Variants in CELF2 observed in about 807,000 individuals in gnomAD.
The protein encoded by CELF2 is CUG triplet repeat RNA-binding protein 2.
CELF2 carries 8 observed loss-of-function variants against 62.6 expected under a neutral mutation model. The observed-to-expected ratio is 0.13, with a 90% confidence interval of 0.07 to 0.23. The LOEUF is 0.23. Among genes scored for constraint, CELF2 ranks in the 10% least tolerant of loss-of-function variants. CELF2 has a pLI of 1.00. For synonymous variants in CELF2, 258 were observed against 250.0 expected (o/e 1.03, Z -0.30); for missense variants, 333 against 671.0 (o/e 0.50, Z 5.56).
At chr10:11,102,712 C>T (rs2052061238) in intron 1 of CELF2, among the ~76,000 whole-genome samples, 1 of 152,130 alleles carries the variant, frequency 6.6e-6, no homozygotes, top group Admixed American at 6.5e-5. Flanking sequence ...AAATCTCTTC[C>T]TAGGCAACCA....
At chr10:10,464,433 T>C in the CELF2 span, among the ~76,000 whole-genome samples, 2 of 152,188 alleles carry the variant, frequency 1.3e-5, no homozygotes, top group African/African-American at 4.8e-5. Context: ...TCTTTTTTTT[T>C]ATTGTGGAAA....
rs990378821 is a variant in CELF2 at position 10,972,584 on chromosome 10, G to A, written c.89+52585G>A. 4.6e-5 allele frequency among the ~76,000 whole-genome samples: 7 copies of A among 151,960 alleles called. No individual in the cohort carries two copies. Among genetic ancestry groups the A allele is most frequent in the Non-Finnish European group, 7.4e-5 (5 of 67,986 alleles). ...CCCTGGCTGAGCTCATCTCTCTTAC[G>A]GGTTCAACCGTCTTCTACATATTGA... On this transcript the variant is annotated intron_variant, in intron 2 of 13. Coordinates refer to the CELF2 transcript ENST00000636488. The surrounding 1 kb of genome is among the most constrained non-coding windows in gnomAD (Gnocchi z 4.4).
intron 1 of CELF2, among the ~76,000 whole-genome samples, chr10:10,912,519 A>G (rs984234944): frequency 6.6e-6 from 1 of 151,890 alleles, no homozygotes; most frequent in Non-Finnish European, 1.5e-5. Flanking sequence ...ACAGGCATGC[A>G]CCACCATGTC....
chr10:11,101,072 G>A (rs575737885), intron 1 of CELF2, among the ~76,000 whole-genome samples: 1 of 152,240 alleles, frequency 6.6e-6, no homozygotes, highest in South Asian at 2.1e-4. Flanking sequence ...GATTTAGAAG[G>A]GGAAATCAAT....
chr10:11,127,516 TAA>T (rs1206541475), intron 1 of CELF2, among the ~76,000 whole-genome samples: 2 of 152,354 alleles, frequency 1.3e-5, no homozygotes, highest in East Asian at 3.9e-4. Flanking sequence ...GCCAATAGTG[TAA>T]AAGTGTTCCT....
the CELF2 span, among the ~76,000 whole-genome samples, chr10:10,656,938 A>T: frequency 7.3e-5 from 11 of 149,832 alleles, no homozygotes; most frequent in Non-Finnish European, 8.9e-5. Flanking sequence ...AAAAAAAGAA[A>T]ACGTGTCCAC....
At chr10:10,793,186 A>G in the CELF2 span, among the ~76,000 whole-genome samples, 2 of 152,180 alleles carry the variant, frequency 1.3e-5, no homozygotes, top group South Asian at 4.1e-4. Flanking sequence ...TTCCTAAGTC[A>G]TCGATGAAGG....
intron 1 of CELF2, among the ~76,000 whole-genome samples, chr10:11,120,993 G>A (rs1267131698): frequency 1.3e-5 from 2 of 152,148 alleles, no homozygotes; most frequent in African/African-American, 4.8e-5. Context: ...AAGGAGGTGT[G>A]TAGCCTGTAA....
chr10:11,114,823 A>G (rs1056072758), intron 1 of CELF2, among the ~76,000 whole-genome samples: 4 of 152,236 alleles, frequency 2.6e-5, no homozygotes, highest in Non-Finnish European at 1.5e-5. Flanking sequence ...ATCATTTATT[A>G]TACGATTTTG....
At chr10:10,473,755 A>C in the CELF2 span, among the ~76,000 whole-genome samples, 1 of 152,190 alleles carries the variant, frequency 6.6e-6, no homozygotes, top group African/African-American at 2.4e-5. Flanking sequence ...GTGAGGCTTA[A>C]TTGTACTAAA....
In CELF2 at chr10:10,947,391, A is replaced by G. The variant is rs1460769980; in HGVS notation, c.89+27392A>G. 1 of 152,676 alleles carries G rather than the reference A, an allele frequency of 6.5e-6. No homozygotes were observed. Among genetic ancestry groups the G allele is most frequent in the African/African-American group, 2.4e-5 (1 of 41,466 alleles). 9.5% of individuals were successfully genotyped at this position (152,676 alleles called of 1,614,324 possible). On this transcript the variant is annotated intron_variant, in intron 2 of 13. Coordinates refer to the CELF2 transcript ENST00000636488. The surrounding 1 kb of genome is among the most constrained non-coding windows in gnomAD (Gnocchi z 4.1). ...CCCTCCCTGTTCACCATTTGACACA[A>G]GAAATGAACAGCTCTTTTGCCTTAC...
intron 1 of CELF2, among the ~76,000 whole-genome samples, chr10:10,863,202 A>T (rs939962008): frequency 1.3e-5 from 2 of 152,180 alleles, no homozygotes; most frequent in Admixed American, 6.6e-5. Context: ...GCTAAAAGAG[A>T]TAATTTTCTT....
At chr10:10,475,509 G>A in the CELF2 span, among the ~76,000 whole-genome samples, 2 of 151,674 alleles carry the variant, frequency 1.3e-5, no homozygotes, top group African/African-American at 2.4e-5. Context: ...TCTACTTCCA[G>A]ATCAAGTTTT....
chr10:11,270,842 C>A lies in CELF2; in HGVS notation c.777+18C>A. On this transcript the variant is annotated intron_variant, in intron 7 of 12. Transcript: ENST00000633077. The surrounding 1 kb of genome is among the most constrained non-coding windows in gnomAD (Gnocchi z 5.8). ...ATCTGGCGGTAAGTGCTGGGCAATG[C>A]CGGCGTGGTCTTCACCCGCTGAAAC... is the stretch of plus-strand genomic sequence containing the variant. 1 of 1,352,386 alleles carries A rather than the reference C, an allele frequency of 7.4e-7. No individual in the cohort carries two copies. The highest frequency in any genetic ancestry group is 2.8e-5 in the East Asian group (1 of 36,092). 83.8% of individuals were successfully genotyped at this position (1,352,386 alleles called of 1,614,324 possible). A position where few individuals can be genotyped will look rare whatever the true frequency, so the allele number is the denominator to read the frequency against.
chr10:10,571,471 G>A, the CELF2 span, among the ~76,000 whole-genome samples: 5 of 151,302 alleles, frequency 3.3e-5, no homozygotes, highest in East Asian at 8.0e-4. Context: ...TTAAGCTGCT[G>A]AAGTATTGGC....
At chr10:10,504,172 T>C in the CELF2 span, among the ~76,000 whole-genome samples, 483 of 152,252 alleles carry the variant, frequency 3.2e-3, 2 homozygotes, top group Middle Eastern at 0.017. Flanking sequence ...TACTTGTAGT[T>C]GTTCCTTCCT....
At chr10:10,758,814 A>G in the CELF2 span, among the ~76,000 whole-genome samples, 54 of 152,314 alleles carry the variant, frequency 3.5e-4, no homozygotes, top group Admixed American at 6.5e-4. Context: ...CCAGGCCAAA[A>G]CAAATGCCTT....
chr10:10,564,261 G>A, the CELF2 span, among the ~76,000 whole-genome samples: 286 of 152,172 alleles, frequency 1.9e-3, 4 homozygotes, highest in South Asian at 0.031. Flanking sequence ...GGCAATTACC[G>A]CAACACATGA....
At chr10:10,658,511 C>A in the CELF2 span, among the ~76,000 whole-genome samples, 1 of 152,188 alleles carries the variant, frequency 6.6e-6, no homozygotes, top group African/African-American at 2.4e-5. Context: ...AAGACCAGAT[C>A]TGCAGAATTT....
Sources: allele counts gnomAD v4.1 joint callset (sites outside exome capture counted in the v4.1 genomes callset), GRCh38; gene constraint gnomAD v4.1.1; non-coding constraint Gnocchi (gnomAD v3.1); transcripts MANE v1.5; gene names NCBI Gene and HGNC (gene_info 2026-07-23, HGNC 2026-07-21).